The following ANKS1B variants were observed in gnomAD, a reference collection of about 807,000 sequenced individuals.
The protein encoded by ANKS1B is ankyrin repeat and sterile alpha motif domain containing 1B.
Under a neutral mutation model 148.3 loss-of-function variants are expected in ANKS1B, and 36 were observed. The observed-to-expected ratio is 0.24, with a 90% CI of 0.19 to 0.32. The LOEUF (loss-of-function observed/expected upper bound fraction) is 0.32. ANKS1B is among the 10% of genes least tolerant of loss of function. The pLI, the probability that ANKS1B is intolerant of heterozygous loss-of-function variation, is 1.00. For missense variants in ANKS1B, 1,157 were observed against 1,542.6 expected, an observed-to-expected ratio of 0.75 and a Z score of 4.19; for synonymous variants, 542 against 560.8, an observed-to-expected ratio of 0.97 and a Z score of 0.47.
At chr12:99,776,683 G>GTTGT (rs531613554) in intron 6 of ANKS1B, among the ~76,000 whole-genome samples, 19 of 117,952 alleles carry the variant, frequency 1.6e-4, no homozygotes, top group Non-Finnish European at 3.2e-4. Flanking sequence ...TTTCTTTTTG[G>GTTGT]TTGTTTGTTT....
intron 14 of ANKS1B, among the ~76,000 whole-genome samples, chr12:99,170,796 A>G (rs149056007): frequency 1.3e-5 from 2 of 152,334 alleles, no homozygotes; most frequent in African/African-American, 2.4e-5. Flanking sequence ...CCAGGTCTTC[A>G]GCACTAAGCA....
intron 17 of ANKS1B, among the ~76,000 whole-genome samples, chr12:98,977,398 A>G (rs979490371): frequency 3.3e-5 from 5 of 152,206 alleles, no homozygotes; most frequent in Non-Finnish European, 7.4e-5. Context: ...TATGATTAGC[A>G]CATTCTAAAG....
chr12:99,727,034 T>C (rs2058684666), intron 8 of ANKS1B, among the ~76,000 whole-genome samples: 5 of 152,148 alleles, frequency 3.3e-5, no homozygotes, highest in Admixed American at 2.6e-4. Context: ...GCCAATATCA[T>C]ATTGAATGGG....
intron 17 of ANKS1B, among the ~76,000 whole-genome samples, chr12:98,929,374 T>C (rs2099811782): frequency 6.6e-6 from 1 of 152,004 alleles, no homozygotes; most frequent in Non-Finnish European, 1.5e-5. Flanking sequence ...ACAGATTCAA[T>C]CCAATACCTA....
At chr12:99,074,079 A>T (rs1383246382) in intron 16 of ANKS1B, among the ~76,000 whole-genome samples, 1 of 152,200 alleles carries the variant, frequency 6.6e-6, no homozygotes, top group Admixed American at 6.5e-5. Flanking sequence ...GAAAGTGCTC[A>T]GATATCTAAA....
chr12:99,646,777 T>C (rs1486731672), intron 9 of ANKS1B, among the ~76,000 whole-genome samples: 1 of 151,738 alleles, frequency 6.6e-6, no homozygotes, highest in Non-Finnish European at 1.5e-5. Flanking sequence ...TATAATCTTA[T>C]TGAATTGAAA....
chr12:98,781,293 C>T, intron 23 of ANKS1B, 90 bp from the exon 24 acceptor site: 1 of 735,106 alleles, frequency 1.4e-6, no homozygotes, highest in Non-Finnish European at 2.4e-6. Context: ...TAAAGATGAG[C>T]TCAAATTAAA....
chr12:99,928,580 A>G (rs2094534625), intron 1 of ANKS1B, among the ~76,000 whole-genome samples: 1 of 152,092 alleles, frequency 6.6e-6, no homozygotes, highest in African/African-American at 2.4e-5. Flanking sequence ...GCCTGGCCTC[A>G]CCTATTATTT....
chr12:99,315,467 C>A (rs968804243), intron 12 of ANKS1B, among the ~76,000 whole-genome samples: 1 of 151,998 alleles, frequency 6.6e-6, no homozygotes, highest in African/African-American at 2.4e-5. Flanking sequence ...AAGAAAAGCT[C>A]AACATCACTG....
intron 10 of ANKS1B, among the ~76,000 whole-genome samples, chr12:99,471,656 A>T (rs1038315138): frequency 6.6e-6 from 1 of 152,000 alleles, no homozygotes; most frequent in African/African-American, 2.4e-5. Context: ...GTGCACACAC[A>T]CACACACACA....
Position 99,399,822 on chromosome 12 carries a change from T to C in ANKS1B, c.1576-11A>G. ...TGTTCGCTGTTTAGGCTAAAATAAATGAGCATGACGAGAGTATTAATATGA... is the reference window on the plus strand; with the variant it reads ...TGTTCGCTGTTTAGGCTAAAATAAACGAGCATGACGAGAGTATTAATATGA... On this transcript the variant is annotated splice_polypyrimidine_tract_variant and intron_variant, in intron 11 of 26. Transcript: ENST00000683438. 2 of 1,612,906 alleles carry C rather than the reference T, an allele frequency of 1.2e-6. No homozygotes were observed. Among genetic ancestry groups the C allele is most frequent in the Non-Finnish European group, 1.7e-6 (2 of 1,179,044 alleles).
intron 11 of ANKS1B, among the ~76,000 whole-genome samples, chr12:99,410,353 T>A (rs2094654009): frequency 6.7e-6 from 1 of 148,466 alleles, no homozygotes; most frequent in African/African-American, 2.5e-5. Flanking sequence ...AAAAAAAAAA[T>A]TGTGACCCTT....
intron 17 of ANKS1B, among the ~76,000 whole-genome samples, chr12:98,916,944 C>T (rs2152880301): frequency 6.6e-6 from 1 of 151,796 alleles, no homozygotes; most frequent in African/African-American, 2.4e-5. Flanking sequence ...ACCCTTATAG[C>T]AGCCCTAGTA....
intron 8 of ANKS1B, among the ~76,000 whole-genome samples, chr12:99,761,099 A>G (rs1200828180): frequency 1.3e-5 from 2 of 149,700 alleles, no homozygotes; most frequent in African/African-American, 4.9e-5. Flanking sequence ...GACCAGAAGG[A>G]TTTACAGCTG....
At chr12:99,189,546 C>T (rs554503396) in intron 14 of ANKS1B, among the ~76,000 whole-genome samples, 3 of 152,234 alleles carry the variant, frequency 2.0e-5, no homozygotes, top group African/African-American at 7.2e-5. Context: ...AATATATATA[C>T]AAATCAATAA....
intron 8 of ANKS1B, among the ~76,000 whole-genome samples, chr12:99,749,455 C>G (rs1380699915): frequency 6.6e-6 from 1 of 152,042 alleles, no homozygotes. Context: ...TGTTTGAGTA[C>G]TAGGATCCAT....
intron 17 of ANKS1B, among the ~76,000 whole-genome samples, chr12:99,018,557 T>C (rs2099943915): frequency 6.6e-6 from 1 of 152,228 alleles, no homozygotes; most frequent in Admixed American, 6.5e-5. Flanking sequence ...CCTTTGGAAT[T>C]ACTAGGTTTG....
At chr12:99,032,061 T>C (rs912982064) in intron 17 of ANKS1B, among the ~76,000 whole-genome samples, 1 of 152,232 alleles carries the variant, frequency 6.6e-6, no homozygotes, top group Admixed American at 6.5e-5. Context: ...TCCTAAAGCC[T>C]TAATTTCTAA....
chr12:98,735,469 C>CTGT, exon 10 of ANKS1B: 1 of 499,900 alleles, frequency 2.0e-6, no homozygotes, highest in Non-Finnish European at 3.7e-6. Flanking sequence ...TGTCATTTAT[C>CTGT]TGTTGATTAG....
Sources: gnomAD v4.1 joint callset for allele counts (sites outside exome capture counted in the v4.1 genomes callset) on GRCh38, gnomAD v4.1.1 for gene constraint, MANE v1.5 for transcripts, NCBI Gene and HGNC (gene_info 2026-07-23, HGNC 2026-07-21) for gene names.